LIN7B: variants seen among roughly 807,000 people sequenced by gnomAD.
LIN7B encodes the protein lin-7 cell polarity scaffold B, also known as protein lin-7 homolog B.
In LIN7B, 16 loss-of-function variants were observed where a neutral mutation model predicts 27.9. The ratio of observed to expected loss-of-function variants is 0.57; its 90% CI spans 0.39 to 0.87. The LOEUF is 0.87. LIN7B is among the 40% of genes least tolerant of loss of function. The pLI, the probability that LIN7B is intolerant of heterozygous loss-of-function variation, is 0.00. For synonymous variants in LIN7B, 147 were observed against 120.8 expected (o/e 1.22, Z -1.42); for missense variants, 291 against 288.5 (o/e 1.01, Z -0.06).
Position 49,117,966 on chromosome 19 carries a change from C to T in LIN7B, c.550C>T (p.Arg184Trp), listed in dbSNP as rs760522070. 4 of 1,613,886 alleles carry T rather than the reference C, an allele frequency of 2.5e-6. No individual in the cohort carries two copies. The highest frequency in any genetic ancestry group is 2.2e-5 in the East Asian group (1 of 44,892). Residue 184 changes from arginine (R) to tryptophan (W), a missense_variant, in exon 5 of 6, where the codon CGG becomes TGG. By Grantham distance (101) the Arg-to-Trp change is moderately radical. Coordinates refer to ENST00000221459, the MANE Select transcript of LIN7B (RefSeq NM_022165.3). The stretch of plus-strand genomic sequence containing the variant: ...GCGAGTGCTGGAGGAGATGGAGGCC[C>T]GGTTCGAGAAGATGCGCTCTGCCCG... ...TPRVLEEMEARFEKMRSARRR... is the reference protein window; with the variant it reads ...TPRVLEEMEAWFEKMRSARRR...
At chr19:49,117,726 C>T (rs981420861) in intron 4 of LIN7B, 129 bp from the exon 5 acceptor site, 4 of 757,744 alleles carry the variant, frequency 5.3e-6, no homozygotes, top group African/African-American at 1.7e-5. Flanking sequence ...ATGACTCCCA[C>T]GAGGAGGACA....
At chr19:49,116,061 C>A in intron 3 of LIN7B, 1 of 558,898 alleles carries the variant, frequency 1.8e-6, no homozygotes, top group East Asian at 3.0e-5. Context: ...AAGACACACA[C>A]CAAATGGACA....
At chr19:49,117,822 C>T (rs1600310332) in intron 4 of LIN7B, 33 bp from the exon 5 acceptor site, 3 of 1,600,338 alleles carry the variant, frequency 1.9e-6, no homozygotes, top group South Asian at 2.2e-5. Flanking sequence ...GGCAGCGGGC[C>T]CCAGGCTCAG....
rs745333162 is a variant in LIN7B, at chr19:49,118,010, G to A, written c.594G>A (p.Gln198=). Residue 198 remains glutamine (Q), a synonymous_variant, in exon 5 of 6, where the codon CAG becomes CAA. Transcript: ENST00000221459. ...CTGCCCGCCGGCGCCAACAGCATCA[G>A]AGCTACTCGTGAGCCCCTGGGTCAC... The part of the protein sequence containing the change: ...MRSARRRQQH[Q]SYSSLESRG 5 of 1,613,942 alleles carry A rather than the reference G, an allele frequency of 3.1e-6. No homozygotes were observed. Among genetic ancestry groups the A allele is most frequent in the South Asian group, 1.1e-5 (1 of 91,076 alleles).
At position 49,115,315 on chromosome 19, in the gene LIN7B, CCCATGCCACAG is replaced by C; in HGVS notation, c.216_226del (p.His72GlnfsTer26). On this transcript the variant is annotated frameshift_variant, in exon 3 of 6. Transcript: ENST00000221459. LOFTEE classifies it high-confidence loss of function. ...ATCACCGGCAGCGCCGAGATCCGAG[CCCATGCCACAG>C]CCAAGGTGGGCCCCGCACCCCATTG... 6.4e-7 allele frequency: 1 copy of C among 1,572,994 alleles called. No individual in the cohort carries two copies. Among genetic ancestry groups the C allele is most frequent in the Non-Finnish European group, 8.6e-7 (1 of 1,158,192 alleles).
At chr19:49,117,245 C>G (rs1393799820) in intron 4 of LIN7B, among the ~76,000 whole-genome samples, 1 of 36,382 alleles carries the variant, frequency 2.7e-5, no homozygotes, top group Non-Finnish European at 5.9e-5. Context: ...GACTCCCTCT[C>G]AAAAAAAAAA....
At chr19:49,117,305 G>C (rs1275020294) in intron 4 of LIN7B, among the ~76,000 whole-genome samples, 1 of 150,558 alleles carries the variant, frequency 6.6e-6, no homozygotes, top group Non-Finnish European at 1.5e-5. Context: ...CATAACTGGA[G>C]AGATGGCTGG....
chr19:49,117,371 G>A (rs1330917698), intron 4 of LIN7B, among the ~76,000 whole-genome samples: 2 of 152,100 alleles, frequency 1.3e-5, no homozygotes, highest in African/African-American at 4.8e-5. Context: ...TTGTCCCATG[G>A]GTGCTGGGGA....
chr19:49,117,884 G>C lies in LIN7B; in HGVS notation c.468G>C (p.Ala156=), dbSNP rs779226449. ...TTGAGGGTGAGCAGCATGAGAAGGC[G>C]GTGGAGCTGCTGAAGGCGGCCCAGG... ...VSVEGEQHEK[A]VELLKAAQGS... is the part of the protein sequence containing the mutation. The change falls in exon 5 of 6, where the codon GCG becomes GCC. Residue 156 remains alanine (A), a synonymous_variant. Transcript: ENST00000221459. 5.2e-5 allele frequency: 84 copies of C among 1,613,882 alleles called. No homozygotes were observed. Among genetic ancestry groups the C allele is most frequent in the Non-Finnish European group, 6.9e-5 (81 of 1,179,952 alleles).
At chr19:49,115,393 C>T (rs1243126838) in intron 3 of LIN7B, 62 bp downstream of exon 3, 1 of 1,370,796 alleles carries the variant, frequency 7.3e-7, no homozygotes, top group African/African-American at 1.5e-5. Context: ...CTCAATATCT[C>T]CTTCATGCCA....
rs1432477791 is a variant in LIN7B at position 49,117,996 on chromosome 19, C to T, written c.580C>T (p.Arg194Cys). 58 of 1,613,880 alleles carry T rather than the reference C, an allele frequency of 3.6e-5. No homozygotes were observed. Among genetic ancestry groups the T allele is most frequent in the Non-Finnish European group, 4.6e-5 (54 of 1,179,962 alleles). Residue 194 changes from arginine (R) to cysteine (C), a missense_variant, in exon 5 of 6, where the codon CGC becomes TGC. By Grantham distance (180) the Arg-to-Cys change is radical. Transcript: ENST00000221459. ...CGAGAAGATGCGCTCTGCCCGCCGG[C>T]GCCAACAGCATCAGAGCTACTCGTG... ...RFEKMRSARR[R>C]QQHQSYSSLE...
At position 49,117,990 on chromosome 19, in the gene LIN7B, C is replaced by T. The variant is rs751621788; in HGVS notation, c.574C>T (p.Arg192Cys). 1.4e-5 allele frequency: 23 copies of T among 1,614,020 alleles called. No individual in the cohort carries two copies. Among genetic ancestry groups the T allele is most frequent in the African/African-American group, 2.7e-5 (2 of 74,994 alleles). ...CCGGTTCGAGAAGATGCGCTCTGCC[C>T]GCCGGCGCCAACAGCATCAGAGCTA... ...EARFEKMRSA[R>C]RRQQHQSYSS... Residue 192 changes from arginine to cysteine, a missense_variant, in exon 5 of 6, where the codon CGC (arginine) becomes TGC (cysteine). By Grantham distance (180) the Arg-to-Cys change is radical. Transcript: ENST00000221459.
chr19:49,114,512 T>G, intron 1 of LIN7B, 71 bp downstream of exon 1: 1 of 1,135,476 alleles, frequency 8.8e-7, no homozygotes, highest in Non-Finnish European at 1.1e-6. Context: ...TCCCCGCCCT[T>G]CCCGGGTCAG....
chr19:49,118,092 G>C (rs1271756345), intron 5 of LIN7B, 74 bp downstream of exon 5: 5 of 1,583,074 alleles, frequency 3.2e-6, no homozygotes, highest in Middle Eastern at 3.8e-4. Context: ...AACCAGGCCA[G>C]TGCTTCCTGG....
At chr19:49,114,573 C>A in intron 1 of LIN7B, 132 bp downstream of exon 1, 1 of 675,772 alleles carries the variant, frequency 1.5e-6, no homozygotes, top group Non-Finnish European at 2.1e-6. Context: ...GGGCGGGCGC[C>A]GGGGCCGGGC....
Position 49,117,500 on chromosome 19 carries a change from G to A in LIN7B, c.439-355G>A, listed in dbSNP as rs538224859. ...AGAAGCCAGGCCAGGGAGGAGGCTG[G>A]GGTAAGAGTCCAGAGAAAAGAGGAC... On this transcript the variant is annotated intron_variant, in intron 4 of 5. Transcript: ENST00000221459. 9.1e-4 allele frequency among the ~76,000 whole-genome samples: 138 copies of A among 152,208 alleles called. 1 individual carries two copies. Among genetic ancestry groups the A allele is most frequent in the Non-Finnish European group, 8.4e-4 (57 of 68,024 alleles).
At chr19:49,115,098 T>G in intron 2 of LIN7B, 131 bp downstream of exon 2, 1 of 889,594 alleles carries the variant, frequency 1.1e-6, no homozygotes, top group South Asian at 2.0e-5. Context: ...GTGCCAACGC[T>G]TCAGCTCAGG....
rs2040872007 is a variant in LIN7B at position 49,118,356 on chromosome 19, T to C, written c.607T>C (p.Leu203=). 5.6e-6 allele frequency: 9 copies of C among 1,614,126 alleles called. No homozygotes were observed. In the East Asian group the frequency reaches 1.6e-4, roughly 28 times the overall value. ...CCTTGTCCACCCCCCTTGCAGGTCCTTGGAGTCTCGAGGTTGAAACCACAG... is the reference window on the plus strand; with the variant it reads ...CCTTGTCCACCCCCCTTGCAGGTCCCTGGAGTCTCGAGGTTGAAACCACAG... ...RRQQHQSYSS[L]ESRG is the part of the protein sequence containing the mutation. The change falls in exon 6 of 6, where the codon TTG becomes CTG. Residue 203 remains leucine, a synonymous_variant. Coordinates refer to ENST00000221459, the MANE Select transcript of LIN7B (RefSeq NM_022165.3).
At position 49,118,000 on chromosome 19, in the gene LIN7B, AACAGCATCAG is replaced by A. The variant is rs768307500; in HGVS notation, c.586_595del (p.Gln196AlafsTer?). ...AAGATGCGCTCTGCCCGCCGGCGCCAACAGCATCAGAGCTACTCGTGAGCCCCTGGGTCAC... is the reference window on the plus strand; with the variant it reads ...AAGATGCGCTCTGCCCGCCGGCGCCAAGCTACTCGTGAGCCCCTGGGTCAC... On this transcript the variant is annotated frameshift_variant, in exon 5 of 6. Transcript: ENST00000221459. LOFTEE classifies it high-confidence loss of function. The A allele has an allele frequency of 3.7e-6, 6 of 1,614,006 alleles. No individual in the cohort carries two copies. The highest frequency in any genetic ancestry group is 5.1e-6 in the Non-Finnish European group (6 of 1,179,948).
Sources: gnomAD v4.1 joint callset for allele counts (sites outside exome capture counted in the v4.1 genomes callset) on GRCh38, gnomAD v4.1.1 for gene constraint, MANE v1.5 for transcripts, NCBI Gene and HGNC (gene_info 2026-07-23, HGNC 2026-07-21) for gene names.